The following SYNE1 variants were observed in gnomAD, a reference collection of about 807,000 sequenced individuals.
The protein encoded by SYNE1 is nesprin-1.
In SYNE1, 616 loss-of-function variants were observed where a neutral mutation model predicts 1,111.0. The observed-to-expected ratio is 0.55, with a 90% CI of 0.52 to 0.59. The LOEUF (loss-of-function observed/expected upper bound fraction) is 0.59. Among genes scored for constraint, SYNE1 ranks in the 20% least tolerant of loss-of-function variants. The pLI, the probability that SYNE1 is intolerant of heterozygous loss-of-function variation, is 0.00. For missense variants in SYNE1, 10,006 were observed against 10,417.0 expected (o/e 0.96, Z 1.72); for synonymous variants, 3,855 against 3,825.8 (o/e 1.01, Z -0.28).
intron 49 of SYNE1, among the ~76,000 whole-genome samples, chr6:152,397,355 C>A (rs1404484101): frequency 6.6e-6 from 1 of 152,200 alleles, no homozygotes; most frequent in South Asian, 2.1e-4. Flanking sequence ...ACCCTGCATG[C>A]GAAATCCTCA....
chr6:152,222,508 C>G (rs975959280), intron 117 of SYNE1, among the ~76,000 whole-genome samples: 1 of 152,052 alleles, frequency 6.6e-6, no homozygotes, highest in Admixed American at 6.5e-5. Flanking sequence ...TTCTTCCTTG[C>G]CAAGAATTAT....
intron 10 of SYNE1, among the ~76,000 whole-genome samples, chr6:152,501,792 T>C (rs978239639): frequency 2.7e-5 from 4 of 150,806 alleles, no homozygotes; most frequent in Non-Finnish European, 5.9e-5. Context: ...AGATTGTTCA[T>C]AAAAGCATTG....
chr6:152,465,181 C>T, intron 18 of SYNE1, 77 bp downstream of exon 18: 2 of 1,495,136 alleles, frequency 1.3e-6, no homozygotes, highest in Middle Eastern at 1.8e-4. Context: ...ATGCGACCCC[C>T]TAGTGAGCTA....
intron 141 of SYNE1, among the ~76,000 whole-genome samples, chr6:152,135,471 C>A (rs113361501): frequency 5.3e-4 from 81 of 152,302 alleles, no homozygotes; most frequent in African/African-American, 1.8e-3. Flanking sequence ...CTGGCATCAA[C>A]ATACGTTATT....
chr6:152,391,383 A>G lies in SYNE1; in HGVS notation c.7898T>C (p.Leu2633Pro), dbSNP rs1397013566. 6.2e-7 allele frequency: 1 copy of G among 1,614,052 alleles called. No homozygotes were observed. Among genetic ancestry groups the G allele is most frequent in the Non-Finnish European group, 8.5e-7 (1 of 1,179,998 alleles). Residue 2633 changes from leucine to proline, a missense_variant, in exon 52 of 146, where the codon CTG becomes CCG. By Grantham distance (98) the Leu-to-Pro change is moderately conservative (BLOSUM62 -3). Coordinates refer to ENST00000367255, the MANE Select transcript of SYNE1 (RefSeq NM_182961.4). ...CTTCACCCAGAACCACATGCTTTGC[A>G]GTGCTTCCTCCAGGGCTTCGTGCTC... is the stretch of plus-strand genomic sequence containing the variant. ...LQEHEALEEA[L>P]QSMWFWVKAI...
intron 22 of SYNE1, 116 bp downstream of exon 22, chr6:152,458,641 G>A: frequency 1.8e-6 from 2 of 1,110,620 alleles, no homozygotes; most frequent in Non-Finnish European, 1.3e-6. Flanking sequence ...TGAGTTAGTA[G>A]TACTATTCTA....
In SYNE1 at chr6:152,628,431, T is replaced by A; in HGVS notation, c.-100A>T. 8.4e-7 allele frequency: 1 copy of A among 1,195,334 alleles called. No individual in the cohort carries two copies. The highest frequency in any genetic ancestry group is 1.2e-6 in the Non-Finnish European group (1 of 802,060). The allele number at this position is 1,195,334 out of a possible 1,614,324, so 74.0% of individuals were successfully genotyped here. A position where few individuals can be genotyped will look rare whatever the true frequency, so the allele number is the denominator to read the frequency against. On this transcript the variant is annotated 5_prime_UTR_variant, in exon 3 of 146. It removes the in-frame stop codon of an upstream open reading frame in the 5' UTR. Transcript: ENST00000367255. ...AAACATGCTTGGACTTTTCTAGATC[T>A]ATTCTGTCATAAATGAATTCCAGGC...
rs553349147 is a variant in SYNE1, at chr6:152,567,449, T to C, written c.68-27428A>G. On this transcript the variant is annotated intron_variant, in intron 3 of 145. Coordinates refer to ENST00000367255, the MANE Select transcript of SYNE1 (RefSeq NM_182961.4). Reference sequence around the variant, plus strand: ...TTTCTTTAATAGTAAAGATCGTAATTAGCCTATAGTGAAGTATATATAACA... The same window carrying C: ...TTTCTTTAATAGTAAAGATCGTAATCAGCCTATAGTGAAGTATATATAACA... Among the ~76,000 whole-genome samples the C allele has an allele frequency of 3.2e-4, 48 of 152,330 alleles. No individual in the cohort carries two copies. The South Asian group carries it at 1.0e-2, about 32-fold the overall frequency.
intron 6 of SYNE1, among the ~76,000 whole-genome samples, chr6:152,514,943 C>T (rs1383741387): frequency 6.6e-6 from 1 of 152,128 alleles, no homozygotes; most frequent in Non-Finnish European, 1.5e-5. Flanking sequence ...TATTTGAGAC[C>T]AGGCGTGGTG....
In SYNE1 at chr6:152,225,786, C is replaced by T. The variant is rs749185920; in HGVS notation, c.21286G>A (p.Val7096Ile). 18 of 1,614,062 alleles carry T rather than the reference C, an allele frequency of 1.1e-5. No homozygotes were observed. The highest frequency in any genetic ancestry group is 4.4e-5 in the South Asian group (4 of 91,078). The change falls in exon 116 of 146, where the codon GTC becomes ATC. Residue 7096 changes from valine to isoleucine, a missense_variant. Coordinates refer to ENST00000367255, the MANE Select transcript of SYNE1 (RefSeq NM_182961.4). ...LALIQNKKED[V>I]SSIVMSTLRE... Reference sequence around the variant, plus strand: ...AGTGTGCTCATGACAATGCTAGAGACGTCTTCTTTCTTGTTCTGAATCAAA... The same window carrying T: ...AGTGTGCTCATGACAATGCTAGAGATGTCTTCTTTCTTGTTCTGAATCAAA...
At chr6:152,410,634 G>C (rs763178398) in intron 42 of SYNE1, among the ~76,000 whole-genome samples, 6 of 152,176 alleles carry the variant, frequency 3.9e-5, no homozygotes, top group Non-Finnish European at 8.8e-5. Context: ...AGGAGGCTAA[G>C]GCATGAGAAA....
intron 29 of SYNE1, among the ~76,000 whole-genome samples, chr6:152,446,402 C>T (rs73003057): frequency 0.033 from 4,981 of 152,118 alleles, 122 homozygotes; most frequent in Middle Eastern, 0.099. Context: ...CATAGGGAAA[C>T]TCTAATTTAT....
At chr6:152,320,380 T>G (rs967827844) in intron 84 of SYNE1, among the ~76,000 whole-genome samples, 1 of 152,230 alleles carries the variant, frequency 6.6e-6, no homozygotes, top group Non-Finnish European at 1.5e-5. Flanking sequence ...CACAACTGTA[T>G]GAGTTTTACA....
intron 130 of SYNE1, among the ~76,000 whole-genome samples, chr6:152,164,850 G>T (rs961923950): frequency 4.6e-5 from 7 of 152,102 alleles, no homozygotes; most frequent in Non-Finnish European, 7.4e-5. Context: ...CCACCTAATT[G>T]GCACTGCTCA....
At chr6:152,517,269 G>A (rs2099116887) in intron 6 of SYNE1, among the ~76,000 whole-genome samples, 1 of 152,188 alleles carries the variant, frequency 6.6e-6, no homozygotes, top group Non-Finnish European at 1.5e-5. Flanking sequence ...AACTGAGAAG[G>A]AAATAACTGA....
chr6:152,375,876 T>C (rs1036311843), intron 58 of SYNE1, among the ~76,000 whole-genome samples: 5 of 152,244 alleles, frequency 3.3e-5, no homozygotes, highest in African/African-American at 1.2e-4. Context: ...TTCCTCTTCA[T>C]ATACAGAAGC....
At chr6:152,438,007 C>G (rs2098490229) in intron 32 of SYNE1, among the ~76,000 whole-genome samples, 1 of 152,130 alleles carries the variant, frequency 6.6e-6, no homozygotes, top group Non-Finnish European at 1.5e-5. Flanking sequence ...GAGTGAGACT[C>G]TGTCTCAAAA....
At chr6:152,505,015 T>G (rs1196169281) in intron 9 of SYNE1, among the ~76,000 whole-genome samples, 186 bp downstream of exon 9, 2 of 152,210 alleles carry the variant, frequency 1.3e-5, no homozygotes, top group Non-Finnish European at 2.9e-5. Context: ...GGATCATATT[T>G]TACCCCAACC....
At chr6:152,284,610 ATTTTTTTTTTTTTTT>A (rs760978831) in intron 95 of SYNE1, among the ~76,000 whole-genome samples, 2 of 108,150 alleles carry the variant, frequency 1.8e-5, no homozygotes, top group Non-Finnish European at 3.8e-5. Context: ...ACACCTGGTA[ATTTTTTTTTTTTTTT>A]TTTTTTTTTT....
Sources: allele counts gnomAD v4.1 joint callset (sites outside exome capture counted in the v4.1 genomes callset), GRCh38; gene constraint gnomAD v4.1.1; transcripts MANE v1.5; gene names NCBI Gene and HGNC (gene_info 2026-07-23, HGNC 2026-07-21).